Variants in ARHGAP8 observed in about 807,000 individuals in gnomAD.
The protein encoded by ARHGAP8 is Rho GTPase activating protein 8, also known as rho GTPase-activating protein 8.
In ARHGAP8, 62 loss-of-function variants were observed where a neutral mutation model predicts 46.1. That is an observed-to-expected ratio of 1.34 (90% CI 1.10 to 1.66). The LOEUF (loss-of-function observed/expected upper bound fraction) is 1.66. Ranked by LOEUF, ARHGAP8 falls within the 40% of genes most tolerant of loss-of-function variation. The pLI, the probability that ARHGAP8 is intolerant of heterozygous loss-of-function variation, is 0.00. For missense variants in ARHGAP8, 923 were observed against 568.4 expected, an observed-to-expected ratio of 1.62 and a Z score of -6.34; for synonymous variants, 375 against 243.1, an observed-to-expected ratio of 1.54 and a Z score of -5.05.
At position 44,859,775 on chromosome 22, in the gene ARHGAP8, C is replaced by G. The variant is rs114279873; in HGVS notation, c.922C>G (p.Arg308Gly). Residue 308 changes from arginine to glycine, a missense_variant, in exon 11 of 12, where the codon CGG becomes GGG. By Grantham distance (125) the Arg-to-Gly change is moderately radical. Coordinates refer to ENST00000356099, the MANE Select transcript of ARHGAP8 (RefSeq NM_181335.3). ...TGTCACTGGCTGCCGCCAGATCTTA[C>G]GGAGCCTCCCAGAGCACAACTACGT... ...LRVTGCRQIL[R>G]SLPEHNYVVL... 5.0e-6 allele frequency: 8 copies of G among 1,614,060 alleles called. No homozygotes were observed. The highest frequency in any genetic ancestry group is 1.3e-5 in the African/African-American group (1 of 75,052).
At chr22:44,825,657 T>C in intron 7 of ARHGAP8, 64 bp downstream of exon 7, 1 of 1,523,692 alleles carries the variant, frequency 6.6e-7, no homozygotes. Context: ...GGGGCGCTTC[T>C]GGGTCCAGAA....
chr22:44,761,744 C>T lies in ARHGAP8; in HGVS notation c.-72+9117C>T, dbSNP rs914681372. ...TTTTTACGCTGCTGATAAAGACACA[C>T]CCGAGACTGGGTAATTTATAAAGGA... On this transcript the variant is annotated intron_variant, in intron 1 of 11. Coordinates refer to ENST00000356099, the MANE Select transcript of ARHGAP8 (RefSeq NM_181335.3). Among the ~76,000 whole-genome samples the T allele has an allele frequency of 2.0e-5, 3 of 152,254 alleles. No homozygotes were observed. In the East Asian group the frequency reaches 5.8e-4, roughly 29 times the overall value.
rs368260025 is a variant in ARHGAP8 at position 44,808,769 on chromosome 22, G to A, written c.299+331G>A. ...ACCTGAGGTCAGGAGTTCGAGACCAGGCTGGCCAACATGGCGAAACCCTGT... is the reference window on the plus strand; with the variant it reads ...ACCTGAGGTCAGGAGTTCGAGACCAAGCTGGCCAACATGGCGAAACCCTGT... On this transcript the variant is annotated intron_variant, in intron 4 of 11. Coordinates refer to ENST00000356099, the MANE Select transcript of ARHGAP8 (RefSeq NM_181335.3). 306 of 458,090 alleles carry A rather than the reference G, an allele frequency of 6.7e-4. 2 individuals carry two copies. The highest frequency in any genetic ancestry group is 5.6e-3 in the African/African-American group (272 of 48,966). 28.4% of individuals were successfully genotyped at this position (458,090 alleles called of 1,614,324 possible). A position where few individuals can be genotyped will look rare whatever the true frequency, so the allele number is the denominator to read the frequency against.
At chr22:44,840,791 A>G (rs1348613850) in intron 7 of ARHGAP8, among the ~76,000 whole-genome samples, 4 of 152,224 alleles carry the variant, frequency 2.6e-5, no homozygotes, top group Non-Finnish European at 4.4e-5. Flanking sequence ...TTCCTGGTTC[A>G]TAGATGGTGC....
intron 1 of ARHGAP8, among the ~76,000 whole-genome samples, chr22:44,772,065 A>G (rs989147737): frequency 6.6e-6 from 1 of 151,988 alleles, no homozygotes; most frequent in African/African-American, 2.4e-5. Context: ...TACATGGTTT[A>G]AGAAGTTTTC....
rs185027162 is a variant in ARHGAP8 at position 44,796,236 on chromosome 22, G to A, written c.80-5841G>A. On this transcript the variant is annotated intron_variant, in intron 2 of 11. Coordinates refer to ENST00000356099, the MANE Select transcript of ARHGAP8 (RefSeq NM_181335.3). ...GAGCTGGGCAGCAAAGCCACTGCCC[G>A]CCGTCCCTGCTTCTGCTGCCTCTGC... is the stretch of plus-strand genomic sequence containing the variant. Among the ~76,000 whole-genome samples, 8 of 152,272 alleles carry A rather than the reference G, an allele frequency of 5.3e-5. No homozygotes were observed. In the East Asian group the frequency reaches 7.7e-4, roughly 15 times the overall value.
At chr22:44,808,920 C>T (rs1056727655) in intron 4 of ARHGAP8, 13 of 367,574 alleles carry the variant, frequency 3.5e-5, no homozygotes, top group South Asian at 1.6e-4. Flanking sequence ...TGGGCTCAAG[C>T]AGTCCTCTTG....
intron 1 of ARHGAP8, among the ~76,000 whole-genome samples, chr22:44,780,215 G>A (rs77070423): frequency 0.022 from 3,283 of 152,268 alleles, 52 homozygotes; most frequent in Non-Finnish European, 0.033. Flanking sequence ...TCAGTGGGCC[G>A]GCACAGTGGT....
chr22:44,862,633 C>A lies in ARHGAP8; in HGVS notation c.*38C>A, dbSNP rs10439933. The stretch of plus-strand genomic sequence containing the variant: ...TCTGTATATTTCGAGCTACCTCCCA[C>A]ACCTGTCTGTGCACTTGTATGTTTT... On this transcript the variant is annotated 3_prime_UTR_variant, in exon 12 of 12. Transcript: ENST00000356099. 1.3e-6 allele frequency: 2 copies of A among 1,521,784 alleles called. No individual in the cohort carries two copies. 94.3% of individuals were successfully genotyped at this position (1,521,784 alleles called of 1,614,324 possible). A position where few individuals can be genotyped will look rare whatever the true frequency, so the allele number is the denominator to read the frequency against.
intron 1 of ARHGAP8, among the ~76,000 whole-genome samples, chr22:44,778,846 C>T (rs1602162252): frequency 6.6e-6 from 1 of 152,224 alleles, no homozygotes; most frequent in East Asian, 1.9e-4. Context: ...TAATGGTCAG[C>T]CCTCCTCTCT....
intron 1 of ARHGAP8, among the ~76,000 whole-genome samples, chr22:44,771,275 C>G (rs1294228399): frequency 2.5e-5 from 2 of 78,528 alleles, no homozygotes; most frequent in Admixed American, 2.1e-4. Context: ...GAGACGGATT[C>G]TTGCTCTGTC....
intron 4 of ARHGAP8, among the ~76,000 whole-genome samples, chr22:44,812,990 A>G (rs990699195): frequency 3.9e-5 from 6 of 152,066 alleles, no homozygotes; most frequent in Non-Finnish European, 7.4e-5. Flanking sequence ...GGTCCTTCTG[A>G]CACTCCCCCT....
chr22:44,794,294 A>C (rs1008903149), intron 2 of ARHGAP8, among the ~76,000 whole-genome samples: 3 of 151,228 alleles, frequency 2.0e-5, no homozygotes, highest in Non-Finnish European at 4.4e-5. Flanking sequence ...TTTCATTATT[A>C]TTTCCGTATT....
intron 1 of ARHGAP8, among the ~76,000 whole-genome samples, chr22:44,780,946 A>G (rs923605484): frequency 4.6e-5 from 7 of 152,228 alleles, no homozygotes; most frequent in Non-Finnish European, 7.3e-5. Flanking sequence ...ACTGAAGAGC[A>G]TGCCTGAGGA....
rs961636278 is a variant in ARHGAP8, at chr22:44,858,521, C to T, written c.878-1210C>T. Among the ~76,000 whole-genome samples the T allele has an allele frequency of 2.2e-5, 3 of 135,210 alleles. No homozygotes were observed. In the Admixed American group the frequency reaches 2.3e-4, roughly 11 times the overall value. The allele number at this position is 135,210 out of a possible 152,430, so 88.7% of individuals were successfully genotyped here. A position where few individuals can be genotyped will look rare whatever the true frequency, so the allele number is the denominator to read the frequency against. Reference sequence around the variant, plus strand: ...TAGCTCTGGGATTACAGGTGTGTGCCACCATACCCGGCTTTTTTTTTTTTT... The same window carrying T: ...TAGCTCTGGGATTACAGGTGTGTGCTACCATACCCGGCTTTTTTTTTTTTT... On this transcript the variant is annotated intron_variant, in intron 10 of 11. Transcript: ENST00000356099.
chr22:44,826,507 C>G (rs559780221), intron 7 of ARHGAP8, among the ~76,000 whole-genome samples: 3 of 152,272 alleles, frequency 2.0e-5, no homozygotes, highest in Admixed American at 6.5e-5. Context: ...TCACTGCAAC[C>G]TCCGCCTCCT....
At chr22:44,853,072 G>A (rs2070136359) in intron 10 of ARHGAP8, among the ~76,000 whole-genome samples, 1 of 152,170 alleles carries the variant, frequency 6.6e-6, no homozygotes, top group Non-Finnish European at 1.5e-5. Flanking sequence ...AAAGTGCTGG[G>A]ATTACAGGCA....
intron 7 of ARHGAP8, among the ~76,000 whole-genome samples, chr22:44,830,830 C>T (rs1474290325): frequency 3.9e-5 from 6 of 152,280 alleles, no homozygotes; most frequent in South Asian, 2.1e-4. Flanking sequence ...TGAGCCACCG[C>T]GCCTGGCCTG....
intron 2 of ARHGAP8, among the ~76,000 whole-genome samples, chr22:44,799,150 C>T (rs1031138230): frequency 3.3e-5 from 5 of 152,224 alleles, no homozygotes; most frequent in African/African-American, 1.2e-4. Flanking sequence ...CAGCCCCCCG[C>T]CCCTGTGCTG....
Sources: gnomAD v4.1 joint callset for allele counts (sites outside exome capture counted in the v4.1 genomes callset) on GRCh38, gnomAD v4.1.1 for gene constraint, MANE v1.5 for transcripts, NCBI Gene and HGNC (gene_info 2026-07-23, HGNC 2026-07-21) for gene names.